PARVB: variants seen among roughly 807,000 people sequenced by gnomAD.
PARVB encodes parvin beta, also known as beta-parvin.
In PARVB, 46 loss-of-function variants were observed where a neutral mutation model predicts 47.0. The ratio of observed to expected loss-of-function variants is 0.98; its 90% confidence interval spans 0.77 to 1.25. PARVB has a LOEUF of 1.25. Among genes scored for constraint, PARVB ranks in the 50% most tolerant of loss-of-function variants. The pLI is 0.00. For missense variants in PARVB, 473 were observed against 471.6 expected (o/e 1.00, Z -0.03); for synonymous variants, 196 against 196.3 (o/e 1.00, Z 0.01).
At chr22:44,151,749 A>G in intron 10 of PARVB, 198 bp downstream of exon 10, 2 of 556,156 alleles carry the variant, frequency 3.6e-6, no homozygotes. Context: ...GCCACAAAGC[A>G]CCACAAACCT....
chr22:44,080,413 G>A (rs374976203), intron 1 of PARVB, among the ~76,000 whole-genome samples: 17 of 152,172 alleles, frequency 1.1e-4, no homozygotes, highest in African/African-American at 3.4e-4. Context: ...AGGCACCTGC[G>A]TTCCTTAGTG....
intron 11 of PARVB, among the ~76,000 whole-genome samples, 187 bp downstream of exon 11, chr22:44,158,270 A>T (rs2053979740): frequency 6.6e-6 from 1 of 152,254 alleles, no homozygotes; most frequent in African/African-American, 2.4e-5. Flanking sequence ...AGCCGTCCAC[A>T]ACGCATCCGA....
chr22:44,029,829 G>A (rs1186701820), intron 1 of PARVB, among the ~76,000 whole-genome samples: 9 of 151,952 alleles, frequency 5.9e-5, no homozygotes. Flanking sequence ...AGAATCACTC[G>A]AACCCGGGAA....
rs2053480663 is a variant in PARVB at position 44,138,265 on chromosome 22, G to T, written c.692+1747G>T. Among the ~76,000 whole-genome samples the T allele has an allele frequency of 3.3e-5, 5 of 152,290 alleles. No individual in the cohort carries two copies. The South Asian group carries it at 1.0e-3, about 32-fold the overall frequency. ...TCTAACACAGGGGCTTGTGGGAAGT[G>T]CCTCGGGGCCCTAAGGGAATTTCCA... On this transcript the variant is annotated intron_variant, in intron 7 of 12. Transcript: ENST00000338758.
intron 1 of PARVB, among the ~76,000 whole-genome samples, chr22:44,084,969 C>T (rs2051991542): frequency 2.0e-5 from 3 of 152,228 alleles, no homozygotes; most frequent in African/African-American, 7.2e-5. Context: ...AGTCTGGTGG[C>T]AGAGCCTCCC....
chr22:44,030,786 T>A (rs1463316488), intron 1 of PARVB, among the ~76,000 whole-genome samples: 2 of 152,128 alleles, frequency 1.3e-5, no homozygotes, highest in Non-Finnish European at 2.9e-5. Flanking sequence ...GAGTGTGGTC[T>A]CTTTTGGACG....
intron 4 of PARVB, 140 bp from the exon 5 acceptor site, chr22:44,131,347 T>G (rs2281269): frequency 0.59 from 448,698 of 760,892 alleles, 133,937 homozygotes; most frequent in Admixed American, 0.71. Context: ...TCACCATATT[T>G]GCCAGGCTGG....
chr22:44,137,437 G>A (rs915767095), intron 7 of PARVB, among the ~76,000 whole-genome samples: 7 of 152,248 alleles, frequency 4.6e-5, no homozygotes, highest in Non-Finnish European at 1.0e-4. Context: ...CTATTCAGCA[G>A]TAGGAGAAGG....
intron 4 of PARVB, among the ~76,000 whole-genome samples, chr22:44,120,314 C>A (rs113479056): frequency 0.01 from 1,595 of 152,316 alleles, 16 homozygotes; most frequent in East Asian, 0.053. Context: ...CACACATGAA[C>A]GTTTGTCTCT....
rs553869025 is a variant in PARVB at position 44,118,210 on chromosome 22, A to G, written c.274-828A>G. On this transcript the variant is annotated intron_variant, in intron 3 of 12. Transcript: ENST00000338758. ...CAAAATGTGGTCCCCCATGAGATGGAATATGATTCAGCGTAGGCACGAAAG... is the reference window on the plus strand; with the variant it reads ...CAAAATGTGGTCCCCCATGAGATGGGATATGATTCAGCGTAGGCACGAAAG... 2.0e-5 allele frequency among the ~76,000 whole-genome samples: 3 copies of G among 152,334 alleles called. No individual in the cohort carries two copies. In the East Asian group the frequency reaches 5.8e-4, roughly 29 times the overall value.
At chr22:44,107,700 A>G (rs2052598488) in intron 3 of PARVB, 1 of 152,156 alleles carries the variant, frequency 6.6e-6, no homozygotes, top group Admixed American at 6.5e-5. Flanking sequence ...AGTCACACTT[A>G]CATAATGAAT....
At chr22:44,004,475 T>TC (rs1233229142) in intron 2 of PARVB, among the ~76,000 whole-genome samples, 1 of 152,166 alleles carries the variant, frequency 6.6e-6, no homozygotes, top group Non-Finnish European at 1.5e-5. Context: ...TTATCTATAC[T>TC]CCCCAACTCC....
chr22:44,093,508 C>T (rs1202938853), intron 1 of PARVB, among the ~76,000 whole-genome samples: 1 of 152,196 alleles, frequency 6.6e-6, no homozygotes, highest in African/African-American at 2.4e-5. Flanking sequence ...AGGGGGTTAG[C>T]ATCTTGAGTC....
intron 4 of PARVB, among the ~76,000 whole-genome samples, chr22:44,130,510 G>C (rs1201457612): frequency 6.6e-6 from 1 of 152,210 alleles, no homozygotes; most frequent in Non-Finnish European, 1.5e-5. Context: ...TCTTGTCTGT[G>C]CTCCTCCGGA....
chr22:44,028,250 T>C (rs997998057), intron 1 of PARVB, among the ~76,000 whole-genome samples: 8 of 152,176 alleles, frequency 5.3e-5, no homozygotes, highest in African/African-American at 1.9e-4. Context: ...CAGAATCCTC[T>C]TTCTGCTGCC....
chr22:44,120,238 C>G (rs1338942103), intron 4 of PARVB, among the ~76,000 whole-genome samples: 2 of 152,222 alleles, frequency 1.3e-5, no homozygotes, highest in Non-Finnish European at 2.9e-5. Context: ...CCCTGGGGGT[C>G]TGGCTGAATG....
At position 44,082,100 on chromosome 22, in the gene PARVB, G is replaced by A. The variant is rs534161629; in HGVS notation, c.113-11828G>A. Among the ~76,000 whole-genome samples, 79 of 152,362 alleles carry A rather than the reference G, an allele frequency of 5.2e-4. 1 individual carries two copies. Among genetic ancestry groups the A allele is most frequent in the Non-Finnish European group, 7.3e-4 (50 of 68,038 alleles). ...GGGGCCGAGAAAACGGGAGGCAAAT[G>A]GGGTAGCTCTTTTTTGGGGCGGGGG... On this transcript the variant is annotated intron_variant, in intron 1 of 12. Transcript: ENST00000338758.
chr22:44,061,260 C>G (rs563674374), intron 1 of PARVB, among the ~76,000 whole-genome samples: 1 of 152,230 alleles, frequency 6.6e-6, no homozygotes, highest in South Asian at 2.1e-4. Context: ...GAAGCCCAGT[C>G]TCTACTAAAA....
At chr22:44,040,570 A>G (rs942624687) in intron 1 of PARVB, among the ~76,000 whole-genome samples, 3 of 152,178 alleles carry the variant, frequency 2.0e-5, no homozygotes, top group Admixed American at 6.6e-5. Context: ...CCAGGAGCCA[A>G]GGAATGTGAG....
Sources: gnomAD v4.1 joint callset for allele counts (sites outside exome capture counted in the v4.1 genomes callset) on GRCh38, gnomAD v4.1.1 for gene constraint, MANE v1.5 for transcripts, NCBI Gene and HGNC (gene_info 2026-07-23, HGNC 2026-07-21) for gene names.